Variants in KLHL1 observed in about 807,000 individuals in gnomAD.
KLHL1 encodes the protein kelch like family member 1.
KLHL1 carries 47 observed loss-of-function variants against 77.7 expected under a neutral mutation model. The observed-to-expected ratio is 0.60, with a 90% CI of 0.48 to 0.77. KLHL1 has a LOEUF of 0.77. Among genes scored for constraint, KLHL1 ranks in the 30% least tolerant of loss-of-function variants. The pLI is 0.00. For missense variants in KLHL1, 925 were observed against 910.8 expected (o/e 1.02, Z -0.20); for synonymous variants, 360 against 325.2 (o/e 1.11, Z -1.15).
intron 3 of KLHL1, among the ~76,000 whole-genome samples, chr13:69,941,231 T>A (rs574916578): frequency 1.3e-5 from 2 of 151,900 alleles, no homozygotes; most frequent in South Asian, 4.2e-4. Flanking sequence ...TTTAAGAAAA[T>A]CAAAACTGTA....
chr13:69,785,954 C>G (rs1464825373), intron 7 of KLHL1, among the ~76,000 whole-genome samples: 9 of 152,164 alleles, frequency 5.9e-5, no homozygotes, highest in Non-Finnish European at 1.2e-4. Flanking sequence ...AAGACTAAAC[C>G]AGGAAGAAGT....
At chr13:70,041,476 T>C (rs572128844) in intron 1 of KLHL1, among the ~76,000 whole-genome samples, 4 of 152,130 alleles carry the variant, frequency 2.6e-5, no homozygotes, top group Admixed American at 6.5e-5. Flanking sequence ...AGATAAAGAA[T>C]AGGAAGGAAA....
chr13:69,860,667 C>G (rs1188955468), intron 5 of KLHL1, among the ~76,000 whole-genome samples: 1 of 151,206 alleles, frequency 6.6e-6, no homozygotes, highest in African/African-American at 2.4e-5. Flanking sequence ...AAAATGAGAT[C>G]AAATATTTAA....
At chr13:70,087,435 C>T (rs1297340970) in intron 1 of KLHL1, among the ~76,000 whole-genome samples, 2 of 151,004 alleles carry the variant, frequency 1.3e-5, no homozygotes, top group South Asian at 2.1e-4. Flanking sequence ...TCATGTGTTA[C>T]AACTATAATA....
rs556933487 is a variant in KLHL1 at position 69,814,291 on chromosome 13, C to T, written c.1415-17329G>A. Among the ~76,000 whole-genome samples the T allele has an allele frequency of 5.9e-4, 90 of 152,108 alleles. 4 individuals are homozygous for T. In the South Asian group the frequency reaches 0.013, roughly 21 times the overall value. ...ATGTAAGACCTCAAACCATAAAAAT[C>T]ATAGAACAATACCTATAAAACACTC... On this transcript the variant is annotated intron_variant, in intron 6 of 10. Coordinates refer to ENST00000377844, the MANE Select transcript of KLHL1 (RefSeq NM_020866.3).
chr13:70,015,567 A>C (rs540162525), intron 1 of KLHL1, among the ~76,000 whole-genome samples: 4 of 152,160 alleles, frequency 2.6e-5, no homozygotes, highest in Non-Finnish European at 1.5e-5. Flanking sequence ...TACACATATG[A>C]CTCTTCCGTT....
intron 1 of KLHL1, among the ~76,000 whole-genome samples, chr13:70,044,365 G>T (rs963198659): frequency 2.0e-5 from 3 of 152,068 alleles, no homozygotes; most frequent in Middle Eastern, 3.2e-3. Context: ...AGTCTGTCTA[G>T]AATAGTACTA....
At chr13:69,837,014 C>T (rs1212791873) in intron 6 of KLHL1, among the ~76,000 whole-genome samples, 1 of 151,848 alleles carries the variant, frequency 6.6e-6, no homozygotes, top group African/African-American at 2.4e-5. Flanking sequence ...GACTATACGA[C>T]TCTTTATATT....
In KLHL1 at chr13:69,989,761, G is replaced by A. The variant is rs377528618; in HGVS notation, c.498-13959C>T. 5.3e-5 allele frequency among the ~76,000 whole-genome samples: 8 copies of A among 151,838 alleles called. No individual in the cohort carries two copies. In the East Asian group the frequency reaches 5.8e-4, roughly 11 times the overall value. On this transcript the variant is annotated intron_variant, in intron 1 of 10. Transcript: ENST00000377844. Reference sequence around the variant, plus strand: ...TTGCCTTCCTGATTTGACTCTTGGCGTGGGTGTTGTTAGTGTATAGGAATG... The same window carrying A: ...TTGCCTTCCTGATTTGACTCTTGGCATGGGTGTTGTTAGTGTATAGGAATG...
intron 9 of KLHL1, among the ~76,000 whole-genome samples, chr13:69,712,872 G>T (rs913452177): frequency 4.0e-5 from 6 of 151,232 alleles, no homozygotes; most frequent in Non-Finnish European, 8.8e-5. Flanking sequence ...GACCTCTAGA[G>T]ATCAAGAGAT....
intron 8 of KLHL1, among the ~76,000 whole-genome samples, chr13:69,722,616 A>G (rs1317429275): frequency 6.6e-6 from 1 of 152,094 alleles, no homozygotes; most frequent in East Asian, 1.9e-4. Flanking sequence ...GCCTCACTCC[A>G]GTTGCAAAAG....
At chr13:70,087,440 A>T (rs1328888643) in intron 1 of KLHL1, among the ~76,000 whole-genome samples, 2 of 152,144 alleles carry the variant, frequency 1.3e-5, no homozygotes, top group Admixed American at 1.3e-4. Context: ...TGTTACAACT[A>T]TAATACGAAC....
chr13:69,718,478 A>G lies in KLHL1; in HGVS notation c.2015+891T>C, dbSNP rs182971772. Among the ~76,000 whole-genome samples, 298 of 152,208 alleles carry G rather than the reference A, an allele frequency of 2.0e-3. 2 individuals carry two copies. Among genetic ancestry groups the G allele is most frequent in the African/African-American group, 6.9e-3 (286 of 41,546 alleles). ...ATATGTAGCATGAATGAGGAAAAAA[A>G]GCATCATGGTATTAAACCACTGAGA... On this transcript the variant is annotated intron_variant, in intron 9 of 10. Coordinates refer to ENST00000377844, the MANE Select transcript of KLHL1 (RefSeq NM_020866.3).
At chr13:69,987,564 T>G (rs1044040449) in intron 1 of KLHL1, among the ~76,000 whole-genome samples, 1 of 148,960 alleles carries the variant, frequency 6.7e-6, no homozygotes, top group Non-Finnish European at 1.5e-5. Context: ...GAGGGTGGAG[T>G]AAAGGGAATG....
Position 69,700,997 on chromosome 13 carries a change from A to T in KLHL1, c.*705T>A, listed in dbSNP as rs41283968. 1 of 152,216 alleles carries T rather than the reference A, an allele frequency of 6.6e-6. No individual in the cohort carries two copies. Among genetic ancestry groups the T allele is most frequent in the Non-Finnish European group, 1.5e-5 (1 of 67,816 alleles). 9.4% of individuals were successfully genotyped at this position (152,216 alleles called of 1,614,324 possible). A position where few individuals can be genotyped will look rare whatever the true frequency, so the allele number is the denominator to read the frequency against. Reference sequence around the variant, plus strand: ...TCAGTGTGTTAAAAAAGCAAAGCAAAATGGTAAGCCTAGTGAAAACAATCC... The same window carrying T: ...TCAGTGTGTTAAAAAAGCAAAGCAATATGGTAAGCCTAGTGAAAACAATCC... On this transcript the variant is annotated 3_prime_UTR_variant, in exon 11 of 11. Transcript: ENST00000377844.
intron 1 of KLHL1, among the ~76,000 whole-genome samples, chr13:70,097,257 T>C (rs955796731): frequency 3.3e-5 from 5 of 152,016 alleles, no homozygotes; most frequent in Non-Finnish European, 7.4e-5. Context: ...AGGCATTTGC[T>C]ATATCAAGAA....
chr13:69,923,685 A>G (rs1307767182), intron 4 of KLHL1, among the ~76,000 whole-genome samples: 1 of 152,202 alleles, frequency 6.6e-6, no homozygotes, highest in African/African-American at 2.4e-5. Context: ...AGTGAGAGAC[A>G]ATATAGTACT....
chr13:70,042,355 T>G (rs1886397178), intron 1 of KLHL1, among the ~76,000 whole-genome samples: 1 of 152,076 alleles, frequency 6.6e-6, no homozygotes, highest in South Asian at 2.1e-4. Context: ...TTAACTTTAA[T>G]AATAGGTAGG....
chr13:69,901,349 A>C (rs1881850180), intron 4 of KLHL1, among the ~76,000 whole-genome samples: 1 of 152,184 alleles, frequency 6.6e-6, no homozygotes, highest in South Asian at 2.1e-4. Flanking sequence ...TTTACACTTA[A>C]CTTTGTTTGT....
Sources: gnomAD v4.1 joint callset for allele counts (sites outside exome capture counted in the v4.1 genomes callset) on GRCh38, gnomAD v4.1.1 for gene constraint, MANE v1.5 for transcripts, NCBI Gene and HGNC (gene_info 2026-07-23, HGNC 2026-07-21) for gene names.